Variants in SLC24A4 observed in about 807,000 individuals in gnomAD.
The protein encoded by SLC24A4 is solute carrier family 24 member 4.
In SLC24A4, 53 loss-of-function variants were observed where a neutral mutation model predicts 79.0. The observed-to-expected ratio is 0.67, with a 90% CI of 0.54 to 0.84. SLC24A4 has a LOEUF of 0.84. Ranked by LOEUF, SLC24A4 falls within the 40% of genes least tolerant of loss-of-function variation. The pLI, the probability that SLC24A4 is intolerant of heterozygous loss-of-function variation, is 0.00. For synonymous variants in SLC24A4, 323 were observed against 323.8 expected (o/e 1.00, Z 0.03); for missense variants, 731 against 822.0 (o/e 0.89, Z 1.35).
In SLC24A4 at chr14:92,364,668, A is replaced by C. The variant is rs113946632; in HGVS notation, c.241+38690A>C. Among the ~76,000 whole-genome samples, 1,263 of 151,930 alleles carry C rather than the reference A, an allele frequency of 8.3e-3. 14 individuals carry two copies. The highest frequency in any genetic ancestry group is 0.029 in the African/African-American group (1,213 of 41,424). Reference sequence around the variant, plus strand: ...CAGCCTCTGTCCCTCTGCCTGCTGCACTCATCCCTCATCTGTGCATGGCTG... The same window carrying C: ...CAGCCTCTGTCCCTCTGCCTGCTGCCCTCATCCCTCATCTGTGCATGGCTG... On this transcript the variant is annotated intron_variant, in intron 2 of 16. Transcript: ENST00000532405.
At chr14:92,432,180 C>T (rs942047988) in intron 2 of SLC24A4, among the ~76,000 whole-genome samples, 7 of 152,180 alleles carry the variant, frequency 4.6e-5, no homozygotes, top group Non-Finnish European at 1.0e-4. Flanking sequence ...CTCCACAGCC[C>T]TCCAGGATAC....
intron 2 of SLC24A4, among the ~76,000 whole-genome samples, chr14:92,330,558 A>G (rs1484808920): frequency 1.3e-5 from 2 of 152,200 alleles, no homozygotes; most frequent in East Asian, 1.9e-4. Context: ...CTGAGTCCCT[A>G]GAGAACTATC....
chr14:92,410,185 A>G (rs1039473260), intron 2 of SLC24A4, among the ~76,000 whole-genome samples: 9 of 152,220 alleles, frequency 5.9e-5, no homozygotes, highest in African/African-American at 1.9e-4. Context: ...CCTAAAATAA[A>G]TGTTTAAAAA....
chr14:92,324,628 C>T (rs1885019001), intron 1 of SLC24A4, among the ~76,000 whole-genome samples: 1 of 152,200 alleles, frequency 6.6e-6, no homozygotes, highest in African/African-American at 2.4e-5. Context: ...AAGGAACTAA[C>T]CAAAGAAGTG....
chr14:92,464,030 C>T (rs1030721557), intron 12 of SLC24A4, among the ~76,000 whole-genome samples: 7 of 152,200 alleles, frequency 4.6e-5, no homozygotes, highest in Non-Finnish European at 7.3e-5. Context: ...ATGAATGCCA[C>T]ATTTTATCCA....
At chr14:92,433,848 C>A in intron 2 of SLC24A4, 64 bp from the exon 3 acceptor site, 1 of 1,389,384 alleles carries the variant, frequency 7.2e-7, no homozygotes, top group South Asian at 1.2e-5. Context: ...TCTCAGAAGT[C>A]AAGTGAGGTT....
At chr14:92,429,617 C>T (rs1312210294) in intron 2 of SLC24A4, among the ~76,000 whole-genome samples, 5 of 152,160 alleles carry the variant, frequency 3.3e-5, no homozygotes, top group African/African-American at 1.2e-4. Flanking sequence ...TGGCATGGCC[C>T]TTAGAGCTTA....
chr14:92,435,503 G>T (rs1259828814), intron 3 of SLC24A4, among the ~76,000 whole-genome samples: 1 of 152,168 alleles, frequency 6.6e-6, no homozygotes, highest in Non-Finnish European at 1.5e-5. Flanking sequence ...TCTATTGTGT[G>T]GTGTGGAGAA....
chr14:92,400,276 TA>T (rs1435683260), intron 2 of SLC24A4, among the ~76,000 whole-genome samples: 1 of 151,722 alleles, frequency 6.6e-6, no homozygotes, highest in East Asian at 1.9e-4. Context: ...CCGTCTCTAC[TA>T]AAAATACAAA....
chr14:92,360,471 G>C (rs541786809), intron 2 of SLC24A4, among the ~76,000 whole-genome samples: 1 of 152,300 alleles, frequency 6.6e-6, no homozygotes, highest in East Asian at 1.9e-4. Flanking sequence ...CATATTCACT[G>C]TGATTATTTC....
chr14:92,408,265 C>A, intron 2 of SLC24A4: 1 of 391,472 alleles, frequency 2.6e-6, no homozygotes, highest in Non-Finnish European at 3.5e-6. Context: ...CTAAATTGAC[C>A]TGGAATTTGA....
intron 2 of SLC24A4, among the ~76,000 whole-genome samples, chr14:92,429,774 G>A (rs1891763599): frequency 6.6e-6 from 1 of 152,188 alleles, no homozygotes; most frequent in Non-Finnish European, 1.5e-5. Flanking sequence ...GACTGTGTTT[G>A]TGTGACTGTA....
intron 2 of SLC24A4, among the ~76,000 whole-genome samples, chr14:92,363,003 C>T (rs1887625646): frequency 6.6e-6 from 1 of 152,160 alleles, no homozygotes; most frequent in African/African-American, 2.4e-5. Flanking sequence ...TTGCCTCCTC[C>T]CTGCTTGTGC....
In SLC24A4 at chr14:92,445,901, T is replaced by G. The variant is rs148199710; in HGVS notation, c.683+559T>G. Among the ~76,000 whole-genome samples, 38 of 152,342 alleles carry G rather than the reference T, an allele frequency of 2.5e-4. No homozygotes were observed. In the East Asian group the frequency reaches 6.9e-3, roughly 28 times the overall value. On this transcript the variant is annotated intron_variant, in intron 8 of 16. Coordinates refer to ENST00000532405, the MANE Select transcript of SLC24A4 (RefSeq NM_153646.4). ...GACACTGAGGTAGGAATTGATTTCC[T>G]AATTAAGATACATAGCCAGGCATGG...
chr14:92,491,827 G>A (rs1895686812), intron 15 of SLC24A4, 50 bp downstream of exon 15: 3 of 1,447,166 alleles, frequency 2.1e-6, no homozygotes, highest in Non-Finnish European at 2.9e-6. Context: ...AAGGCTAGTG[G>A]TGTTGGCCCA....
At chr14:92,374,617 C>A (rs1185781568) in intron 2 of SLC24A4, among the ~76,000 whole-genome samples, 1 of 152,208 alleles carries the variant, frequency 6.6e-6, no homozygotes, top group South Asian at 2.1e-4. Context: ...ACTCCACGTT[C>A]CCTTCCTTAA....
intron 11 of SLC24A4, 82 bp from the exon 12 acceptor site, chr14:92,456,322 G>A: frequency 7.1e-7 from 1 of 1,403,932 alleles, no homozygotes; most frequent in South Asian, 1.2e-5. Flanking sequence ...AGAGCAGGGT[G>A]CGTGTGAGGG....
Position 92,398,562 on chromosome 14 carries a change from C to T in SLC24A4, c.242-35350C>T, listed in dbSNP as rs772057833. 2.6e-5 allele frequency among the ~76,000 whole-genome samples: 4 copies of T among 152,210 alleles called. No individual in the cohort carries two copies. The highest frequency in any genetic ancestry group is 4.4e-5 in the Non-Finnish European group (3 of 68,042). Reference sequence around the variant, plus strand: ...AGTTTTCTGTGCCCTAAGAAAAAGCCTGTTAGCCTCAGCCCCTTGCTCCCA... The same window carrying T: ...AGTTTTCTGTGCCCTAAGAAAAAGCTTGTTAGCCTCAGCCCCTTGCTCCCA... On this transcript the variant is annotated intron_variant, in intron 2 of 16. Transcript: ENST00000532405. The surrounding 1 kb of genome is among the most constrained non-coding windows in gnomAD (Gnocchi z 4.1).
chr14:92,486,626 T>G (rs780763033), intron 13 of SLC24A4, 40 bp from the exon 14 acceptor site: 7 of 1,281,662 alleles, frequency 5.5e-6, no homozygotes, highest in South Asian at 3.6e-5. Flanking sequence ...GTCCACACAC[T>G]GTTGGTTGAG....
Sources: gnomAD v4.1 joint callset for allele counts (sites outside exome capture counted in the v4.1 genomes callset) on GRCh38, gnomAD v4.1.1 for gene constraint, Gnocchi (gnomAD v3.1) non-coding constraint, MANE v1.5 for transcripts, NCBI Gene and HGNC (gene_info 2026-07-23, HGNC 2026-07-21) for gene names.